Variants in LNPK observed in about 807,000 individuals in gnomAD.
LNPK encodes the protein lunapark, ER junction formation factor.
LNPK carries 29 observed loss-of-function variants against 55.2 expected under a neutral mutation model. That is an observed-to-expected ratio of 0.53 (90% CI 0.39 to 0.72). The LOEUF (loss-of-function observed/expected upper bound fraction) is 0.72, where lower values mean the gene tolerates loss of function less well. Among genes scored for constraint, LNPK ranks in the 30% least tolerant of loss-of-function variants. The pLI, the probability that LNPK is intolerant of heterozygous loss-of-function variation, is 0.00. For missense variants in LNPK, 467 were observed against 494.8 expected (o/e 0.94, Z 0.53); for synonymous variants, 162 against 168.2 (o/e 0.96, Z 0.29).
chr2:175,934,023 T>C (rs1010309130), intron 12 of LNPK, among the ~76,000 whole-genome samples: 1 of 152,172 alleles, frequency 6.6e-6, no homozygotes. Flanking sequence ...CCACCGTGCC[T>C]GGCCAAGAGT....
At chr2:175,998,602 T>C (rs992793041) in intron 1 of LNPK, among the ~76,000 whole-genome samples, 2 of 152,182 alleles carry the variant, frequency 1.3e-5, no homozygotes, top group Non-Finnish European at 1.5e-5. Context: ...AATATTTATA[T>C]GTAAAATATA....
intron 1 of LNPK, among the ~76,000 whole-genome samples, chr2:176,001,735 A>C (rs576218947): frequency 6.6e-6 from 1 of 152,308 alleles, no homozygotes; most frequent in Non-Finnish European, 1.5e-5. Flanking sequence ...GAACGCTCAA[A>C]GCGGACAGCT....
At chr2:175,993,422 C>T (rs778904035) in intron 2 of LNPK, among the ~76,000 whole-genome samples, 199 bp from the exon 3 acceptor site, 3 of 152,114 alleles carry the variant, frequency 2.0e-5, no homozygotes, top group Non-Finnish European at 4.4e-5. Context: ...AAGAAATAAG[C>T]ATTTCCCTAC....
At chr2:175,959,610 C>A (rs1161790785) in intron 8 of LNPK, among the ~76,000 whole-genome samples, 1 of 152,128 alleles carries the variant, frequency 6.6e-6, no homozygotes, top group Non-Finnish European at 1.5e-5. Flanking sequence ...CAAAAACATG[C>A]CAAATTGTAA....
rs543592025 is a variant in LNPK, at chr2:175,924,432, A to T, written c.*5535T>A. ...GTTGCTGTCCACTGGAAATAAAAGT[A>T]GACTTATAAGGTCTTATTTTTTAAA... On this transcript the variant is annotated 3_prime_UTR_variant, in exon 13 of 13. Transcript: ENST00000272748. 2.6e-5 allele frequency: 4 copies of T among 152,344 alleles called. No individual in the cohort carries two copies. The highest frequency in any genetic ancestry group is 4.4e-5 in the Non-Finnish European group (3 of 68,028). The allele number at this position is 152,344 out of a possible 1,614,324, so 9.4% of individuals were successfully genotyped here.
At chr2:175,955,339 G>A (rs1185821916) in intron 8 of LNPK, among the ~76,000 whole-genome samples, 1 of 152,156 alleles carries the variant, frequency 6.6e-6, no homozygotes, top group Non-Finnish European at 1.5e-5. Flanking sequence ...TCCATGTGGA[G>A]AGGAAACAAC....
At chr2:175,930,380 C>T (rs945077913) in intron 12 of LNPK, among the ~76,000 whole-genome samples, 181 bp from the exon 13 acceptor site, 1 of 151,402 alleles carries the variant, frequency 6.6e-6, no homozygotes, top group Non-Finnish European at 1.5e-5. Flanking sequence ...ACATAACTCT[C>T]TTTACAGTTA....
At chr2:175,932,938 CA>C (rs1684348508) in intron 12 of LNPK, among the ~76,000 whole-genome samples, 1 of 151,098 alleles carries the variant, frequency 6.6e-6, no homozygotes. Flanking sequence ...ACTAATTAAA[CA>C]ACCCTACTCT....
At chr2:175,962,641 T>G (rs1327151383) in intron 8 of LNPK, among the ~76,000 whole-genome samples, 1 of 152,146 alleles carries the variant, frequency 6.6e-6, no homozygotes, top group Non-Finnish European at 1.5e-5. Flanking sequence ...GACACAGGCA[T>G]GGGCAAGGAC....
chr2:175,924,150 T>C lies in LNPK; in HGVS notation c.*5817A>G, dbSNP rs1683907293. The C allele has an allele frequency of 6.6e-6, 1 of 152,212 alleles. No individual in the cohort carries two copies. Among genetic ancestry groups the C allele is most frequent in the Admixed American group, 6.5e-5 (1 of 15,274 alleles). The allele number at this position is 152,212 out of a possible 1,614,324, so 9.4% of individuals were successfully genotyped here. On this transcript the variant is annotated 3_prime_UTR_variant, in exon 13 of 13. Coordinates refer to ENST00000272748, the MANE Select transcript of LNPK (RefSeq NM_030650.3). ...TTCCCTTTAATGTCTCTTTAGAAGT[T>C]CATAAACTATATCTAGATCTCTGCT...
rs1432966394 is a variant in LNPK at position 175,926,783 on chromosome 2, A to G, written c.*3184T>C. The G allele has an allele frequency of 2.0e-5, 3 of 148,170 alleles. No homozygotes were observed. The highest frequency in any genetic ancestry group is 4.5e-5 in the Non-Finnish European group (3 of 65,956). The allele number at this position is 148,170 out of a possible 1,614,324, so 9.2% of individuals were successfully genotyped here. A position where few individuals can be genotyped will look rare whatever the true frequency, so the allele number is the denominator to read the frequency against. On this transcript the variant is annotated 3_prime_UTR_variant, in exon 13 of 13. Coordinates refer to ENST00000272748, the MANE Select transcript of LNPK (RefSeq NM_030650.3). ...AGACAAAAATTGACAGCTTGAATAA[A>G]GGGAAAAGAGATGAGTTTACAGCTT...
intron 8 of LNPK, among the ~76,000 whole-genome samples, chr2:175,956,623 C>G (rs1170649255): frequency 6.6e-6 from 1 of 152,180 alleles, no homozygotes; most frequent in Admixed American, 6.5e-5. Context: ...TGAAAACATT[C>G]TAAGCTGAAG....
chr2:175,977,666 A>C (rs1347260885), intron 5 of LNPK, among the ~76,000 whole-genome samples: 1 of 152,220 alleles, frequency 6.6e-6, no homozygotes, highest in African/African-American at 2.4e-5. Context: ...AGTGACCTTG[A>C]AATGAGCCAC....
intron 2 of LNPK, among the ~76,000 whole-genome samples, chr2:175,993,543 G>A (rs1263616664): frequency 1.3e-5 from 2 of 152,070 alleles, no homozygotes; most frequent in Non-Finnish European, 2.9e-5. Flanking sequence ...GGCCACGCAC[G>A]GTGGCTCACG....
In LNPK at chr2:175,928,165, C is replaced by T. The variant is rs1465710913; in HGVS notation, c.*1802G>A. The T allele has an allele frequency of 6.6e-6, 1 of 152,064 alleles. No individual in the cohort carries two copies. The highest frequency in any genetic ancestry group is 2.4e-5 in the African/African-American group (1 of 41,386). The allele number at this position is 152,064 out of a possible 1,614,324, so 9.4% of individuals were successfully genotyped here. ...AATATAGAAAAGTTGATGCAAAAAA[C>T]ATTGGCTTGAATCTGAGAAGCTGAA... is the stretch of plus-strand genomic sequence containing the variant. On this transcript the variant is annotated 3_prime_UTR_variant, in exon 13 of 13. Coordinates refer to ENST00000272748, the MANE Select transcript of LNPK (RefSeq NM_030650.3).
intron 2 of LNPK, among the ~76,000 whole-genome samples, chr2:175,993,552 C>T (rs1687796021): frequency 6.6e-6 from 1 of 152,140 alleles, no homozygotes; most frequent in Non-Finnish European, 1.5e-5. Flanking sequence ...CGGTGGCTCA[C>T]GCCTGCACTT....
chr2:175,962,678 G>A (rs1229999658), intron 8 of LNPK, among the ~76,000 whole-genome samples: 1 of 152,052 alleles, frequency 6.6e-6, no homozygotes, highest in African/African-American at 2.4e-5. Flanking sequence ...TAAAAGCAAT[G>A]GCAACAAAAG....
chr2:175,991,266 A>G (rs571490715), intron 4 of LNPK, among the ~76,000 whole-genome samples: 67 of 152,312 alleles, frequency 4.4e-4, no homozygotes, highest in African/African-American at 1.4e-3. Flanking sequence ...ATGAAAAAAG[A>G]TAAGGGAAAC....
At chr2:175,994,093 C>G in intron 2 of LNPK, 1 of 750,220 alleles carries the variant, frequency 1.3e-6, no homozygotes, top group Non-Finnish European at 1.6e-6. Context: ...AGAATGAAAA[C>G]CAGCCAAAAT....
Sources: allele counts gnomAD v4.1 joint callset (sites outside exome capture counted in the v4.1 genomes callset), GRCh38; gene constraint gnomAD v4.1.1; transcripts MANE v1.5; gene names NCBI Gene and HGNC (gene_info 2026-07-23, HGNC 2026-07-21).